Variants in ADGRF1 observed in about 807,000 individuals in gnomAD.
ADGRF1 encodes the protein G protein-coupled receptor 110.
ADGRF1 carries 85 observed loss-of-function variants against 87.2 expected under a neutral mutation model. The ratio of observed to expected loss-of-function variants is 0.97; its 90% CI spans 0.82 to 1.17. The LOEUF is 1.17. Ranked by LOEUF, ADGRF1 falls within the 50% of genes most tolerant of loss-of-function variation. The pLI, the probability that ADGRF1 is intolerant of heterozygous loss-of-function variation, is 0.00. For synonymous variants in ADGRF1, 430 were observed against 408.8 expected (o/e 1.05, Z -0.63); for missense variants, 1,169 against 1,077.2 (o/e 1.09, Z -1.19).
intron 13 of ADGRF1, among the ~76,000 whole-genome samples, chr6:47,004,543 G>A (rs1779461121): frequency 6.6e-6 from 1 of 151,970 alleles, no homozygotes; most frequent in Non-Finnish European, 1.5e-5. Flanking sequence ...TTCCTTCTTT[G>A]GTTTTCAAAG....
intron 13 of ADGRF1, among the ~76,000 whole-genome samples, chr6:47,003,128 A>C (rs1186626112): frequency 6.6e-6 from 1 of 150,894 alleles, no homozygotes; most frequent in Non-Finnish European, 1.5e-5. Flanking sequence ...GAAACCTGAA[A>C]AACTAGTTGA....
At chr6:47,004,507 T>C (rs75928331) in intron 13 of ADGRF1, among the ~76,000 whole-genome samples, 297 of 152,312 alleles carry the variant, frequency 1.9e-3, no homozygotes, top group African/African-American at 6.7e-3. Context: ...GCTTTTGCTT[T>C]TGTTTTATTT....
At chr6:47,005,788 T>C in intron 13 of ADGRF1, 29 bp downstream of exon 13, 1 of 1,559,342 alleles carries the variant, frequency 6.4e-7, no homozygotes, top group Non-Finnish European at 8.8e-7. Flanking sequence ...ACTTCATGTA[T>C]TGGATTCATG....
intron 4 of ADGRF1, 141 bp downstream of exon 4, chr6:47,025,713 G>T: frequency 1.3e-6 from 1 of 779,724 alleles, no homozygotes; most frequent in East Asian, 2.6e-5. Flanking sequence ...TGGACATGTA[G>T]CATGAAGAAG....
chr6:47,012,673 C>T, intron 9 of ADGRF1: 2 of 986,102 alleles, frequency 2.0e-6, no homozygotes, highest in Non-Finnish European at 2.4e-6. Context: ...GTTCACCACG[C>T]TACACTGAGA....
At chr6:47,019,730 G>T in intron 7 of ADGRF1, 1 of 972,252 alleles carries the variant, frequency 1.0e-6, no homozygotes, top group Non-Finnish European at 1.2e-6. Flanking sequence ...AATGTCCTAT[G>T]GGTGTTTTTA....
chr6:47,024,944 A>T (rs1780181854), intron 4 of ADGRF1, among the ~76,000 whole-genome samples: 1 of 152,200 alleles, frequency 6.6e-6, no homozygotes, highest in African/African-American at 2.4e-5. Flanking sequence ...GAGTTGTTTA[A>T]AGGATTCTAG....
intron 13 of ADGRF1, among the ~76,000 whole-genome samples, chr6:47,002,720 G>C (rs909493567): frequency 8.5e-5 from 13 of 152,216 alleles, no homozygotes; most frequent in African/African-American, 3.1e-4. Context: ...TGTGGAGGGG[G>C]GTCCATTGAG....
At chr6:47,034,849 A>G (rs773623570) in intron 1 of ADGRF1, among the ~76,000 whole-genome samples, 15 of 152,310 alleles carry the variant, frequency 9.8e-5, no homozygotes, top group Non-Finnish European at 1.9e-4. Context: ...ATATGTGCTT[A>G]TAAGTTTGTG....
chr6:47,003,243 T>A (rs1779412232), intron 13 of ADGRF1, among the ~76,000 whole-genome samples: 2 of 152,182 alleles, frequency 1.3e-5, no homozygotes, highest in South Asian at 4.1e-4. Flanking sequence ...AAATCTTTTG[T>A]AGCAATAAGA....
At position 46,998,304 on chromosome 6, in the gene ADGRF1, G is replaced by A. The variant is rs1187080825; in HGVS notation, c.*1918C>T. The A allele has an allele frequency of 2.6e-5, 4 of 152,094 alleles. No homozygotes were observed. The highest frequency in any genetic ancestry group is 9.7e-5 in the African/African-American group (4 of 41,366). The allele number at this position is 152,094 out of a possible 1,614,324, so 9.4% of individuals were successfully genotyped here. A position where few individuals can be genotyped will look rare whatever the true frequency, so the allele number is the denominator to read the frequency against. On this transcript the variant is annotated 3_prime_UTR_variant, in exon 15 of 15. Transcript: ENST00000371253. ...TGACTTCTCATCTTTAGCTTGTGTAGATTTTTTTGTATTCCAGGTGGTCAT... is the reference window on the plus strand; with the variant it reads ...TGACTTCTCATCTTTAGCTTGTGTAAATTTTTTTGTATTCCAGGTGGTCAT...
At chr6:47,001,881 A>T (rs1779374119) in intron 13 of ADGRF1, 1 of 213,446 alleles carries the variant, frequency 4.7e-6, no homozygotes, top group Non-Finnish European at 9.4e-6. Context: ...TTTGGATCAC[A>T]TTTGTTACTG....
At chr6:47,014,911 G>A (rs966417647) in intron 8 of ADGRF1, 67 bp from the exon 9 acceptor site, 2 of 1,467,100 alleles carry the variant, frequency 1.4e-6, no homozygotes, top group Admixed American at 2.5e-5. Flanking sequence ...TATAAACCAT[G>A]TAGTCATGTT....
chr6:47,005,099 C>G (rs1038472428), intron 13 of ADGRF1, among the ~76,000 whole-genome samples: 2 of 152,162 alleles, frequency 1.3e-5, no homozygotes, highest in Admixed American at 1.3e-4. Context: ...TAAAGAAATT[C>G]TCTGCTTTAG....
At chr6:47,036,848 T>C (rs1780602113) in intron 1 of ADGRF1, among the ~76,000 whole-genome samples, 1 of 152,154 alleles carries the variant, frequency 6.6e-6, no homozygotes, top group Admixed American at 6.5e-5. Flanking sequence ...CAGTTCATCC[T>C]CAGAAACCAT....
At chr6:47,029,358 GTT>G (rs552235976) in intron 1 of ADGRF1, among the ~76,000 whole-genome samples, 1 of 146,000 alleles carries the variant, frequency 6.8e-6, no homozygotes, top group African/African-American at 2.5e-5. Flanking sequence ...CTAAACACAG[GTT>G]TTTTTTTTTT....
Position 47,012,198 on chromosome 6 carries a change from A to G in ADGRF1, c.928-3T>C. On this transcript the variant is annotated splice_region_variant and splice_polypyrimidine_tract_variant and intron_variant, in intron 9 of 14. Coordinates refer to ENST00000371253, the MANE Select transcript of ADGRF1 (RefSeq NM_153840.4). ...TTGCCTACAATCATACTGAAATTCT[A>G]GAAGCGAAAATGGTTAAGTTCTAGA... 1.2e-6 allele frequency: 2 copies of G among 1,604,206 alleles called. No homozygotes were observed. The highest frequency in any genetic ancestry group is 1.7e-6 in the Non-Finnish European group (2 of 1,171,490).
rs1391394366 is a variant in ADGRF1 at position 46,999,123 on chromosome 6, G to C, written c.*1099C>G. On this transcript the variant is annotated 3_prime_UTR_variant, in exon 15 of 15. Transcript: ENST00000371253. ...TCAGGTAGGTGAGCCAAATGTGATG[G>C]AAGTATGGAAGAGAAGTGTTGCTTC... 6.6e-6 allele frequency: 1 copy of C among 152,220 alleles called. No individual in the cohort carries two copies. The highest frequency in any genetic ancestry group is 1.5e-5 in the Non-Finnish European group (1 of 68,046). The allele number at this position is 152,220 out of a possible 1,614,324, so 9.4% of individuals were successfully genotyped here.
Position 47,031,421 on chromosome 6 carries a change from C to A in ADGRF1, c.-43-2317G>T, listed in dbSNP as rs1450564320. 6.0e-5 allele frequency among the ~76,000 whole-genome samples: 9 copies of A among 149,712 alleles called. No homozygotes were observed. In the Admixed American group the frequency reaches 6.0e-4, roughly 10 times the overall value. ...ATCTTCCTCATACATGTACTCCAGG[C>A]CTGAGGCTGTAAAGGCAGCTTGAGA... is the stretch of plus-strand genomic sequence containing the variant. On this transcript the variant is annotated intron_variant, in intron 1 of 14. Coordinates refer to ENST00000371253, the MANE Select transcript of ADGRF1 (RefSeq NM_153840.4).
Sources: allele counts gnomAD v4.1 joint callset (sites outside exome capture counted in the v4.1 genomes callset), GRCh38; gene constraint gnomAD v4.1.1; transcripts MANE v1.5; gene names NCBI Gene and HGNC (gene_info 2026-07-23, HGNC 2026-07-21).